CNTFR: variants seen among roughly 807,000 people sequenced by gnomAD.
CNTFR encodes the protein ciliary neurotrophic factor receptor.
Under a neutral mutation model 40.4 loss-of-function variants are expected in CNTFR, and 12 were observed. The observed-to-expected ratio is 0.30, with a 90% CI of 0.19 to 0.48. The LOEUF (loss-of-function observed/expected upper bound fraction) is 0.48, where lower values mean the gene tolerates loss of function less well. CNTFR is among the 20% of genes least tolerant of loss of function. The probability of loss-of-function intolerance (pLI) is 0.99; values close to 1 mark genes in which losing one functional copy is unlikely to be tolerated. For missense variants in CNTFR, 414 were observed against 506.8 expected (o/e 0.82, Z 1.76); for synonymous variants, 202 against 209.6 (o/e 0.96, Z 0.31).
intron 3 of CNTFR, among the ~76,000 whole-genome samples, chr9:34,566,862 C>T (rs1826320826): frequency 6.6e-6 from 1 of 152,016 alleles, no homozygotes; most frequent in Non-Finnish European, 1.5e-5. Context: ...TTGTCTGCTG[C>T]ACAAAAAAAG....
chr9:34,581,541 T>A (rs1011938052), intron 1 of CNTFR, among the ~76,000 whole-genome samples: 2 of 152,142 alleles, frequency 1.3e-5, no homozygotes, highest in Non-Finnish European at 2.9e-5. Context: ...ACATGCACAA[T>A]CCTAGAGGCA....
chr9:34,559,354 G>A (rs927083559), intron 4 of CNTFR, among the ~76,000 whole-genome samples: 3 of 152,190 alleles, frequency 2.0e-5, no homozygotes, highest in African/African-American at 7.2e-5. Flanking sequence ...CAGAAGAGAT[G>A]AGGGGGCAGA....
intron 4 of CNTFR, among the ~76,000 whole-genome samples, chr9:34,558,835 C>G (rs1013396173): frequency 5.3e-5 from 8 of 152,190 alleles, no homozygotes; most frequent in African/African-American, 1.4e-4. Context: ...CAAGGTCAGA[C>G]AGTAAGCCAG....
chr9:34,552,738 T>A lies in CNTFR; in HGVS notation c.885A>T (p.Val295=), dbSNP rs1407408444. ...CAGTCCAGGGCGTAGCGTGGGCGGC[T>A]ACGCTCCAGTCACTCCATGTCCCAA... ...NEIGTWSDWS[V]AAHATPWTEE... Residue 295 remains valine, a synonymous_variant, in exon 8 of 10, where the codon GTA becomes GTT. Transcript: ENST00000378980. The surrounding 1 kb of genome is among the most constrained non-coding windows in gnomAD (Gnocchi z 5.1). The A allele has an allele frequency of 6.2e-7, 1 of 1,613,930 alleles. No homozygotes were observed. Among genetic ancestry groups the A allele is most frequent in the East Asian group, 2.2e-5 (1 of 44,890 alleles).
chr9:34,559,726 G>A (rs1028952543), intron 4 of CNTFR, among the ~76,000 whole-genome samples: 2 of 152,118 alleles, frequency 1.3e-5, no homozygotes, highest in Non-Finnish European at 2.9e-5. Context: ...GAGGTCGGCC[G>A]AGAAGCCTCC....
At chr9:34,555,565 A>G (rs1292037861) in intron 7 of CNTFR, among the ~76,000 whole-genome samples, 1 of 152,000 alleles carries the variant, frequency 6.6e-6, no homozygotes, top group African/African-American at 2.4e-5. Flanking sequence ...TCCAGACCAT[A>G]GTCTGACCCC....
chr9:34,583,119 C>T (rs990261798), intron 1 of CNTFR, among the ~76,000 whole-genome samples: 1 of 152,146 alleles, frequency 6.6e-6, no homozygotes, highest in Non-Finnish European at 1.5e-5. Context: ...GCCAGACCAG[C>T]CCCCCATAAA....
At chr9:34,555,845 C>T (rs1045035016) in intron 7 of CNTFR, among the ~76,000 whole-genome samples, 1 of 151,752 alleles carries the variant, frequency 6.6e-6, no homozygotes. Flanking sequence ...CTGGTCAGGG[C>T]TGAGAGCGAG....
At chr9:34,572,415 GAGC>G (rs1826707269) in intron 2 of CNTFR, among the ~76,000 whole-genome samples, 1 of 152,104 alleles carries the variant, frequency 6.6e-6, no homozygotes, top group Admixed American at 6.5e-5. Flanking sequence ...AAATCCCATA[GAGC>G]CCCAGATAAG....
chr9:34,559,318 C>T (rs1825974818), intron 4 of CNTFR, among the ~76,000 whole-genome samples: 1 of 152,116 alleles, frequency 6.6e-6, no homozygotes, highest in Non-Finnish European at 1.5e-5. Flanking sequence ...GGGCAGAACC[C>T]CCAGGATCCA....
At position 34,552,194 on chromosome 9, in the gene CNTFR, G is replaced by A; in HGVS notation, c.1085C>T (p.Ala362Val). Residue 362 changes from alanine to valine, a missense_variant, in exon 9 of 10, where the codon GCC becomes GTC. By Grantham distance (64) the Ala-to-Val change is moderately conservative (BLOSUM62 0). Around this residue, in one of 3 missense-constraint regions of CNTFR, gnomAD observed 81 missense variants for 92.2 expected, o/e 0.88. Transcript: ENST00000378980. The surrounding 1 kb of genome is among the most constrained non-coding windows in gnomAD (Gnocchi z 5.1). ...VSVPITLALAAAAATASSLLI is the reference protein window; with the variant it reads ...VSVPITLALAVAAATASSLLI Reference sequence around the variant, plus strand: ...GAGACTGCTGGCAGTGGCGGCAGCGGCAGCCAGGGCCAGAGTGATGGGGAC... The same window carrying A: ...GAGACTGCTGGCAGTGGCGGCAGCGACAGCCAGGGCCAGAGTGATGGGGAC... 6.3e-7 allele frequency: 1 copy of A among 1,591,146 alleles called. No individual in the cohort carries two copies. Among genetic ancestry groups the A allele is most frequent in the Non-Finnish European group, 8.6e-7 (1 of 1,169,396 alleles).
chr9:34,562,757 A>C (rs1401480801), intron 4 of CNTFR, among the ~76,000 whole-genome samples: 1 of 152,210 alleles, frequency 6.6e-6, no homozygotes, highest in Non-Finnish European at 1.5e-5. Flanking sequence ...CTATGTTCAG[A>C]GTATTCACTC....
chr9:34,590,419 T>C (rs1271133929), upstream of CNTFR, among the ~76,000 whole-genome samples: 3 of 152,044 alleles, frequency 2.0e-5, no homozygotes, highest in African/African-American at 7.2e-5. Flanking sequence ...ACCCCCACTT[T>C]GGGCAGAAGA....
In CNTFR at chr9:34,568,833, GCCAGTGAGGGTTCATGC is replaced by G; in HGVS notation, c.85+47_85+63del. 4 of 1,409,126 alleles carry G rather than the reference GCCAGTGAGGGTTCATGC, an allele frequency of 2.8e-6. No individual in the cohort carries two copies. In the East Asian group the frequency reaches 7.4e-5, roughly 26 times the overall value. 87.3% of individuals were successfully genotyped at this position (1,409,126 alleles called of 1,614,324 possible). A position where few individuals can be genotyped will look rare whatever the true frequency, so the allele number is the denominator to read the frequency against. ...TTGGGTAGTGTCAGGATGCAGCTAT[GCCAGTGAGGGTTCATGC>G]CCAGCTCTGAGAGGGGGGTCAGCAG... On this transcript the variant is annotated intron_variant, in intron 3 of 9. Transcript: ENST00000378980.
chr9:34,587,487 C>T (rs7037232), intron 1 of CNTFR, among the ~76,000 whole-genome samples: 19,474 of 152,012 alleles, frequency 0.13, 2,003 homozygotes, highest in African/African-American at 0.27. Flanking sequence ...GTGTGAGCTC[C>T]AGGTTACCCA....
rs1268738057 is a variant in CNTFR at position 34,553,684 on chromosome 9, C to T, written c.769-830G>A. On this transcript the variant is annotated intron_variant, in intron 7 of 9. Transcript: ENST00000378980. ...CTGCTCCATTTCCTCCTGGAGGCAT[C>T]GCCACCCCACTCTCGCCCCGCTGGC... Among the ~76,000 whole-genome samples the T allele has an allele frequency of 5.3e-5, 8 of 152,162 alleles. No individual in the cohort carries two copies. In the East Asian group the frequency reaches 1.5e-3, roughly 29 times the overall value.
At chr9:34,579,168 G>C (rs1052525606) in intron 2 of CNTFR, among the ~76,000 whole-genome samples, 1 of 152,176 alleles carries the variant, frequency 6.6e-6, no homozygotes, top group Non-Finnish European at 1.5e-5. Context: ...TCGCCCCTGT[G>C]GGGGAGGGGT....
chr9:34,569,882 T>C (rs1826504031), intron 2 of CNTFR: 3 of 152,216 alleles, frequency 2.0e-5, no homozygotes, highest in Admixed American at 2.0e-4. Context: ...ACTCAGGACA[T>C]GGCCCCAGAA....
At chr9:34,556,524 C>T in intron 6 of CNTFR, 106 bp from the exon 7 acceptor site, 1 of 1,121,274 alleles carries the variant, frequency 8.9e-7, no homozygotes, top group Non-Finnish European at 1.3e-6. Flanking sequence ...CCATTGTCAT[C>T]AACATCATAG....
Sources: allele counts gnomAD v4.1 joint callset (sites outside exome capture counted in the v4.1 genomes callset), GRCh38; gene constraint gnomAD v4.1.1; regional missense constraint gnomAD v4.1.1; non-coding constraint Gnocchi (gnomAD v3.1); transcripts MANE v1.5; gene names NCBI Gene and HGNC (gene_info 2026-07-23, HGNC 2026-07-21).